Variants in FAM184B observed in about 807,000 individuals in gnomAD.
The protein encoded by FAM184B is protein FAM184B.
Under a neutral mutation model 135.9 loss-of-function variants are expected in FAM184B, and 111 were observed. The ratio of observed to expected loss-of-function variants is 0.82; its 90% CI spans 0.70 to 0.96. FAM184B has a LOEUF of 0.96. Ranked by LOEUF, FAM184B falls within the 40% of genes least tolerant of loss-of-function variation. The pLI is 0.00. For synonymous variants in FAM184B, 552 were observed against 524.8 expected, an observed-to-expected ratio of 1.05 and a Z score of -0.71; for missense variants, 1,375 against 1,323.9, an observed-to-expected ratio of 1.04 and a Z score of -0.60.
At chr4:17,695,084 A>T (rs1716824079) in intron 5 of FAM184B, among the ~76,000 whole-genome samples, 1 of 152,166 alleles carries the variant, frequency 6.6e-6, no homozygotes, top group Non-Finnish European at 1.5e-5. Context: ...GGCCTCAAGC[A>T]TCAAGGTAAG....
intron 1 of FAM184B, among the ~76,000 whole-genome samples, chr4:17,766,179 C>T (rs1265404946): frequency 6.6e-6 from 1 of 152,208 alleles, no homozygotes; most frequent in Non-Finnish European, 1.5e-5. Flanking sequence ...TATCTGGCCA[C>T]ACCCACATCC....
rs896589616 is a variant in FAM184B, at chr4:17,646,614, A to C, written c.2346+1023T>G. ...GGTAGTGGGGAGGGATAGCATTAGG[A>C]GATATACCTAATGTAAATGACGAGT... On this transcript the variant is annotated intron_variant, in intron 12 of 17. Transcript: ENST00000265018. Among the ~76,000 whole-genome samples the C allele has an allele frequency of 2.6e-5, 4 of 152,186 alleles. No homozygotes were observed. In the East Asian group the frequency reaches 7.7e-4, roughly 29 times the overall value.
intron 1 of FAM184B, among the ~76,000 whole-genome samples, chr4:17,742,168 A>ATATATT (rs1459958150): frequency 1.8e-5 from 2 of 109,308 alleles, no homozygotes; most frequent in African/African-American, 9.6e-5. Context: ...ATATATATAT[A>ATATATT]TTTTTTTTTT....
At chr4:17,748,101 C>A (rs141791064) in intron 1 of FAM184B, among the ~76,000 whole-genome samples, 2 of 51,898 alleles carry the variant, frequency 3.9e-5, no homozygotes, top group African/African-American at 7.2e-5. Flanking sequence ...AAGACTCCGT[C>A]TGAAAAAAAA....
At chr4:17,667,046 C>G (rs1716072333) in intron 7 of FAM184B, among the ~76,000 whole-genome samples, 1 of 151,998 alleles carries the variant, frequency 6.6e-6, no homozygotes, top group African/African-American at 2.4e-5. Flanking sequence ...GGAGCCTCGA[C>G]TTCCGAGGCT....
chr4:17,688,627 G>T, intron 6 of FAM184B, 96 bp from the exon 7 acceptor site: 2 of 701,942 alleles, frequency 2.8e-6, no homozygotes, highest in East Asian at 4.5e-5. Context: ...GGGTCAGTCT[G>T]TTCTGGGGAG....
At chr4:17,673,761 G>A (rs1716247243) in intron 7 of FAM184B, among the ~76,000 whole-genome samples, 1 of 152,120 alleles carries the variant, frequency 6.6e-6, no homozygotes, top group Non-Finnish European at 1.5e-5. Flanking sequence ...TGGAGATTCA[G>A]GAGGAAAGGT....
At chr4:17,642,539 G>A (rs1715352571) in intron 12 of FAM184B, among the ~76,000 whole-genome samples, 1 of 152,208 alleles carries the variant, frequency 6.6e-6, no homozygotes, top group South Asian at 2.1e-4. Context: ...GCCTGCCTCA[G>A]TGAAGTCTTC....
rs1448365230 is a variant in FAM184B, at chr4:17,705,211, A to T, written c.1171-5T>A. The T allele has an allele frequency of 6.5e-7, 1 of 1,549,962 alleles. No individual in the cohort carries two copies. The highest frequency in any genetic ancestry group is 8.7e-7 in the Non-Finnish European group (1 of 1,146,392). On this transcript the variant is annotated splice_polypyrimidine_tract_variant and splice_region_variant and intron_variant, in intron 4 of 17. Coordinates refer to ENST00000265018, the MANE Select transcript of FAM184B (RefSeq NM_015688.2). ...AGCACTTGCCTCTTTCTTGGTCTATAAAAAGAAAAAGGACCTTGTAAAACC... is the reference window on the plus strand; with the variant it reads ...AGCACTTGCCTCTTTCTTGGTCTATTAAAAGAAAAAGGACCTTGTAAAACC...
intron 7 of FAM184B, among the ~76,000 whole-genome samples, chr4:17,677,565 G>A (rs1716341259): frequency 6.6e-6 from 1 of 152,010 alleles, no homozygotes; most frequent in Admixed American, 6.6e-5. Flanking sequence ...AAGGACAGAT[G>A]GATTCACAGC....
intron 10 of FAM184B, among the ~76,000 whole-genome samples, chr4:17,655,486 T>C (rs1389462420): frequency 1.3e-5 from 2 of 152,192 alleles, no homozygotes; most frequent in Non-Finnish European, 2.9e-5. Context: ...CCAGCTGCTA[T>C]GGGAGGGTTA....
At chr4:17,673,968 CCAGA>C (rs549001821) in intron 7 of FAM184B, among the ~76,000 whole-genome samples, 41 of 151,756 alleles carry the variant, frequency 2.7e-4, no homozygotes, top group Admixed American at 2.4e-3. Context: ...AAAGATTTTC[CCAGA>C]CAAACAAAAG....
At chr4:17,764,255 C>T (rs1459337032) in intron 1 of FAM184B, among the ~76,000 whole-genome samples, 1 of 152,164 alleles carries the variant, frequency 6.6e-6, no homozygotes, top group Non-Finnish European at 1.5e-5. Flanking sequence ...TGGCCCCAAA[C>T]CTGCATATTT....
chr4:17,766,440 C>G lies in FAM184B; in HGVS notation c.141+14719G>C, dbSNP rs545279269. 3.3e-5 allele frequency among the ~76,000 whole-genome samples: 5 copies of G among 152,260 alleles called. No individual in the cohort carries two copies. In the East Asian group the frequency reaches 9.7e-4, roughly 29 times the overall value. ...GACATAAAGGTTCTCCAAGTCCCCA[C>G]TAGATAAGCTAGATACAGAGTGCTG... On this transcript the variant is annotated intron_variant, in intron 1 of 17. Transcript: ENST00000265018.
At chr4:17,712,352 C>A (rs1717298224) in intron 1 of FAM184B, among the ~76,000 whole-genome samples, 1 of 152,168 alleles carries the variant, frequency 6.6e-6, no homozygotes, top group African/African-American at 2.4e-5. Flanking sequence ...CATGAGACGT[C>A]CTCACTGAGA....
In FAM184B at chr4:17,757,958, CTT is replaced by C. The variant is rs796312881; in HGVS notation, c.141+23199_141+23200del. 2.6e-5 allele frequency among the ~76,000 whole-genome samples: 4 copies of C among 152,284 alleles called. No homozygotes were observed. In the South Asian group the frequency reaches 8.3e-4, roughly 32 times the overall value. On this transcript the variant is annotated intron_variant, in intron 1 of 17. Transcript: ENST00000265018. ...TTATAACTCAAACCCTGACCTCTCT[CTT>C]GAAGGACCATTACAAATATCCAACT...
chr4:17,727,339 C>T (rs1265033347), intron 1 of FAM184B, among the ~76,000 whole-genome samples: 1 of 152,186 alleles, frequency 6.6e-6, no homozygotes, highest in Non-Finnish European at 1.5e-5. Flanking sequence ...ACCTGAGTCC[C>T]AAGACCCAGC....
chr4:17,636,633 G>GGAATCT lies in FAM184B; in HGVS notation c.2673_2678dup (p.Asp892_Ser893dup). ...ACGCTCCCTTCCCTGGCTTCTCTCC[G>GGAATCT]GAATCTTTCAGTCTGTTCCAAGCAG... On this transcript the variant is annotated inframe_insertion, in exon 15 of 18. Transcript: ENST00000265018. The GGAATCT allele has an allele frequency of 3.9e-6, 6 of 1,549,238 alleles. No homozygotes were observed. The highest frequency in any genetic ancestry group is 5.2e-6 in the Non-Finnish European group (6 of 1,146,364).
intron 1 of FAM184B, among the ~76,000 whole-genome samples, chr4:17,712,788 T>C (rs1170216061): frequency 6.6e-6 from 1 of 152,014 alleles, no homozygotes; most frequent in Non-Finnish European, 1.5e-5. Context: ...AGTCAAAAAC[T>C]AGAGGCTTAG....
Sources: allele counts gnomAD v4.1 joint callset (sites outside exome capture counted in the v4.1 genomes callset), GRCh38; gene constraint gnomAD v4.1.1; transcripts MANE v1.5; gene names NCBI Gene and HGNC (gene_info 2026-07-23, HGNC 2026-07-21).